The following DHX9 variants were observed in gnomAD, a reference collection of about 807,000 sequenced individuals.
The protein encoded by DHX9 is DExH-box helicase 9.
In DHX9, 27 loss-of-function variants were observed where a neutral mutation model predicts 148.7. The ratio of observed to expected loss-of-function variants is 0.18; its 90% CI spans 0.13 to 0.25. DHX9 has a LOEUF of 0.25. DHX9 is among the 10% of genes least tolerant of loss of function. The pLI, the probability that DHX9 is intolerant of heterozygous loss-of-function variation, is 1.00. For synonymous variants in DHX9, 529 were observed against 516.6 expected, an observed-to-expected ratio of 1.02 and a Z score of -0.33; for missense variants, 796 against 1,559.6, an observed-to-expected ratio of 0.51 and a Z score of 8.25.
intron 7 of DHX9, among the ~76,000 whole-genome samples, chr1:182,856,994 T>A (rs73063091): frequency 0.038 from 5,810 of 152,174 alleles, 338 homozygotes; most frequent in African/African-American, 0.13. Flanking sequence ...GGACTACAGG[T>A]GCTGCCACCA....
intron 1 of DHX9, among the ~76,000 whole-genome samples, chr1:182,841,825 C>T (rs1667937373): frequency 6.6e-6 from 1 of 152,176 alleles, no homozygotes. Context: ...ACTTGTTGCA[C>T]TTCAAGAAAA....
intron 3 of DHX9, among the ~76,000 whole-genome samples, chr1:182,846,558 A>G (rs1428606853): frequency 6.6e-6 from 1 of 152,228 alleles, no homozygotes. Flanking sequence ...CTTTAAAGAT[A>G]ATATGACACT....
intron 15 of DHX9, among the ~76,000 whole-genome samples, chr1:182,874,154 C>T (rs1417290779): frequency 1.3e-5 from 2 of 152,214 alleles, no homozygotes; most frequent in East Asian, 3.8e-4. Context: ...AGTGGGCCTA[C>T]ACTACCTAAC....
At chr1:182,876,022 C>G in intron 16 of DHX9, 28 bp from the exon 17 acceptor site, 1 of 1,591,632 alleles carries the variant, frequency 6.3e-7, no homozygotes, top group Non-Finnish European at 8.6e-7. Context: ...TGAGACAATC[C>G]AAAAATATGT....
chr1:182,878,493 A>G (rs886068986), intron 20 of DHX9, among the ~76,000 whole-genome samples: 1 of 152,208 alleles, frequency 6.6e-6, no homozygotes, highest in African/African-American at 2.4e-5. Context: ...CCTCAGTTGT[A>G]AAAAGAATAT....
chr1:182,877,105 G>A, intron 19 of DHX9: 2 of 476,588 alleles, frequency 4.2e-6, no homozygotes, highest in Non-Finnish European at 7.4e-6. Flanking sequence ...ACGGTAGAAA[G>A]TGACAAAGCT....
At position 182,852,251 on chromosome 1, in the gene DHX9, C is replaced by T; in HGVS notation, c.271C>T (p.Leu91Phe). The T allele has an allele frequency of 6.2e-7, 1 of 1,610,700 alleles. No individual in the cohort carries two copies. Among genetic ancestry groups the T allele is most frequent in the Non-Finnish European group, 8.5e-7 (1 of 1,178,732 alleles). Residue 91 changes from leucine (L) to phenylalanine (F), a missense_variant, in exon 4 of 28, where the codon CTT becomes TTT. Around this residue, in one of 14 missense-constraint regions of DHX9, gnomAD observed 89 missense variants for 77.5 expected, o/e 1.15. Coordinates refer to ENST00000367549, the MANE Select transcript of DHX9 (RefSeq NM_001357.5). Reference protein sequence around the residue: ...PAFGVASPPPLTDTPDTTANA... With the variant: ...PAFGVASPPPFTDTPDTTANA... ...TTTGCAGGTAGCATCTCCGCCCCCA[C>T]TTACTGATACTCCTGACACTACAGC...
chr1:182,854,132 A>T lies in DHX9; in HGVS notation c.580A>T (p.Ile194Phe), dbSNP rs1228238269. 6.2e-7 allele frequency: 1 copy of T among 1,613,864 alleles called. No homozygotes were observed. The highest frequency in any genetic ancestry group is 2.2e-5 in the East Asian group (1 of 44,828). Residue 194 changes from isoleucine (I) to phenylalanine (F), a missense_variant, in exon 6 of 28, where the codon ATC (isoleucine) becomes TTC (phenylalanine). This residue lies in a region of DHX9 where 46 missense variants were observed against 136.3 expected (regional missense o/e 0.34). Transcript: ENST00000367549. ...AAACCAATATTTTCAGAAAGAAAAG[A>T]TCCAAGGAGAATATAAGTACACCCA... Reference protein sequence around the residue: ...RLNQYFQKEKIQGEYKYTQVG... With the variant: ...RLNQYFQKEKFQGEYKYTQVG...
intron 7 of DHX9, 94 bp downstream of exon 7, chr1:182,856,672 T>G: frequency 1.9e-6 from 2 of 1,059,696 alleles, no homozygotes; most frequent in Non-Finnish European, 2.9e-6. Flanking sequence ...GAAGCTGTAT[T>G]ATTTGAAAGA....
At chr1:182,867,435 C>T (rs1648346677) in intron 14 of DHX9, among the ~76,000 whole-genome samples, 1 of 152,086 alleles carries the variant, frequency 6.6e-6, no homozygotes, top group African/African-American at 2.4e-5. Context: ...CAGAGTCTTG[C>T]TCTGTCACCC....
chr1:182,878,258 A>G (rs1279015853), intron 20 of DHX9, 85 bp downstream of exon 20: 34 of 1,446,954 alleles, frequency 2.3e-5, no homozygotes, highest in Non-Finnish European at 2.8e-5. Flanking sequence ...AAACCTGCCA[A>G]TATAAGCTGA....
chr1:182,871,562 T>C (rs1420932840), intron 14 of DHX9, among the ~76,000 whole-genome samples: 2 of 152,196 alleles, frequency 1.3e-5, no homozygotes, highest in Admixed American at 6.5e-5. Context: ...AGCACTCCTG[T>C]TTAGACTTGA....
intron 14 of DHX9, among the ~76,000 whole-genome samples, chr1:182,869,482 C>T (rs1236947639): frequency 2.6e-5 from 4 of 151,826 alleles, no homozygotes; most frequent in African/African-American, 9.7e-5. Flanking sequence ...CGGTTTGCTG[C>T]GGTTTGGTCT....
intron 14 of DHX9, among the ~76,000 whole-genome samples, chr1:182,868,514 TAA>T (rs1648400062): frequency 1.4e-5 from 2 of 146,592 alleles, no homozygotes; most frequent in African/African-American, 5.4e-5. Flanking sequence ...ACACTTATTT[TAA>T]TTCCTTTTTT....
At chr1:182,859,963 T>C in intron 11 of DHX9, 30 bp from the exon 12 acceptor site, 2 of 1,587,316 alleles carry the variant, frequency 1.3e-6, no homozygotes, top group Non-Finnish European at 8.6e-7. Context: ...TTGGTAGACA[T>C]TTGACTGAAG....
chr1:182,886,157 ATTTATT>A lies in DHX9; in HGVS notation c.3462-910_3462-905del, dbSNP rs796168631. Among the ~76,000 whole-genome samples the A allele has an allele frequency of 2.6e-4, 39 of 150,798 alleles. No individual in the cohort carries two copies. The South Asian group carries it at 5.6e-3, about 22-fold the overall frequency. On this transcript the variant is annotated intron_variant, in intron 27 of 27. Transcript: ENST00000367549. ...GAAAGAAGGAAGACAGATTACAGTC[ATTTATT>A]TTTATTTTTATTTTTTTTTAAATTT...
In DHX9 at chr1:182,880,567, G is replaced by A. The variant is rs769869169; in HGVS notation, c.2583G>A (p.Glu861=). The change falls in exon 22 of 28, where the codon GAG becomes GAA. Residue 861 remains glutamate, a synonymous_variant. Transcript: ENST00000367549. ...LGRILAKLPI[E]PRFGKMMIMG... ...GAATCCTGGCTAAACTCCCCATTGA[G>A]CCTCGTTTTGGCAAAATGATGATAA... 6.2e-7 allele frequency: 1 copy of A among 1,613,784 alleles called. No homozygotes were observed. Among genetic ancestry groups the A allele is most frequent in the Admixed American group, 1.7e-5 (1 of 60,012 alleles).
At chr1:182,871,529 C>T (rs1047242807) in intron 14 of DHX9, among the ~76,000 whole-genome samples, 1 of 152,184 alleles carries the variant, frequency 6.6e-6, no homozygotes, top group Non-Finnish European at 1.5e-5. Context: ...CCATGTTTAA[C>T]CTACAGAAAC....
intron 19 of DHX9, chr1:182,877,816 A>G (rs2102616966): frequency 3.5e-6 from 2 of 571,596 alleles, no homozygotes; most frequent in Non-Finnish European, 5.9e-6. Context: ...ATAAGTGGCA[A>G]GTGGATGTTA....
Sources: allele counts gnomAD v4.1 joint callset (sites outside exome capture counted in the v4.1 genomes callset), GRCh38; gene constraint gnomAD v4.1.1; regional missense constraint gnomAD v4.1.1; transcripts MANE v1.5; gene names NCBI Gene and HGNC (gene_info 2026-07-23, HGNC 2026-07-21).